FAM120A: variants seen among roughly 807,000 people sequenced by gnomAD.
FAM120A encodes the protein family with sequence similarity 120 member A, also known as constitutive coactivator of PPAR-gamma-like protein 1.
A neutral mutation model predicts 109.7 loss-of-function variants in FAM120A; 15 were observed. That is an observed-to-expected ratio of 0.14 (90% confidence interval 0.09 to 0.21). The LOEUF (loss-of-function observed/expected upper bound fraction) is 0.21, where lower values mean the gene tolerates loss of function less well. FAM120A is among the 10% of genes least tolerant of loss of function. The pLI, the probability that FAM120A is intolerant of heterozygous loss-of-function variation, is 1.00. For synonymous variants in FAM120A, 493 were observed against 572.8 expected, an observed-to-expected ratio of 0.86 and a Z score of 1.99; for missense variants, 899 against 1,439.3, an observed-to-expected ratio of 0.62 and a Z score of 6.07.
intron 5 of FAM120A, among the ~76,000 whole-genome samples, chr9:93,502,189 CTTA>C (rs1463159201): frequency 3.3e-5 from 5 of 152,034 alleles, no homozygotes; most frequent in African/African-American, 1.2e-4. Flanking sequence ...TAGAATTTAT[CTTA>C]TTAATCATTC....
At chr9:93,505,931 G>A (rs762696222) in intron 5 of FAM120A, among the ~76,000 whole-genome samples, 7 of 152,200 alleles carry the variant, frequency 4.6e-5, no homozygotes, top group Admixed American at 1.3e-4. Flanking sequence ...CTTGTTCACC[G>A]TGTGGAGAAC....
chr9:93,545,941 C>T (rs943859379), intron 11 of FAM120A, among the ~76,000 whole-genome samples: 7 of 151,512 alleles, frequency 4.6e-5, no homozygotes, highest in Admixed American at 6.6e-5. Context: ...TGCGCCACCA[C>T]GCCCGGCTAA....
intron 3 of FAM120A, among the ~76,000 whole-genome samples, chr9:93,496,628 T>C (rs1051859144): frequency 6.6e-6 from 1 of 152,148 alleles, no homozygotes; most frequent in African/African-American, 2.4e-5. Flanking sequence ...GTGATTCCCT[T>C]GGGCTTGTCT....
At chr9:93,538,085 A>G (rs776168234) in intron 10 of FAM120A, among the ~76,000 whole-genome samples, 10 of 151,254 alleles carry the variant, frequency 6.6e-5, no homozygotes, top group Non-Finnish European at 7.4e-5. Flanking sequence ...TGAGCTTTTG[A>G]GTTTCTAATA....
intron 9 of FAM120A, 139 bp downstream of exon 9, chr9:93,529,719 C>T: frequency 2.7e-6 from 2 of 741,764 alleles, no homozygotes; most frequent in African/African-American, 1.8e-5. Context: ...TTTCCCCTTT[C>T]TAAACATTGA....
chr9:93,511,885 A>G (rs57631285), intron 5 of FAM120A, among the ~76,000 whole-genome samples: 4,895 of 152,308 alleles, frequency 0.032, 112 homozygotes, highest in Admixed American at 0.071. Flanking sequence ...CTCTGCCTCC[A>G]GGGTTCAAGC....
intron 1 of FAM120A, among the ~76,000 whole-genome samples, chr9:93,463,989 A>G (rs1857904634): frequency 1.3e-5 from 2 of 152,198 alleles, no homozygotes; most frequent in Admixed American, 6.5e-5. Flanking sequence ...CAGCTACCCT[A>G]TGAGATAGAG....
intron 13 of FAM120A, 120 bp from the exon 14 acceptor site, chr9:93,557,707 A>G: frequency 1.0e-6 from 1 of 987,464 alleles, no homozygotes; most frequent in South Asian, 1.7e-5. Context: ...GCAGACATAG[A>G]ATTCATGAAT....
chr9:93,502,789 C>T (rs1859863911), intron 5 of FAM120A, among the ~76,000 whole-genome samples: 4 of 152,150 alleles, frequency 2.6e-5, no homozygotes, highest in South Asian at 2.1e-4. Flanking sequence ...TAGCTCTCCA[C>T]GAAATCACCA....
chr9:93,455,927 C>T (rs1021418324), intron 1 of FAM120A, among the ~76,000 whole-genome samples: 23 of 152,190 alleles, frequency 1.5e-4, no homozygotes. Flanking sequence ...TCCCAAAGTG[C>T]TGGGATTACG....
intron 5 of FAM120A, among the ~76,000 whole-genome samples, chr9:93,514,033 A>ATTCAT (rs1860458223): frequency 6.6e-6 from 1 of 152,142 alleles, no homozygotes. Context: ...GAGACTGGAT[A>ATTCAT]ATTTATGAAG....
At chr9:93,477,360 T>C (rs985620568) in intron 3 of FAM120A, among the ~76,000 whole-genome samples, 3 of 152,256 alleles carry the variant, frequency 2.0e-5, no homozygotes, top group Non-Finnish European at 2.9e-5. Context: ...TTTTCATCTC[T>C]GGCATGCTAT....
chr9:93,527,126 G>T (rs1388247560), intron 7 of FAM120A, 29 bp from the exon 8 acceptor site: 1 of 1,594,660 alleles, frequency 6.3e-7, no homozygotes, highest in Admixed American at 1.7e-5. Context: ...AAAGTGATTG[G>T]ACAGTAATCA....
chr9:93,504,629 A>G (rs1259726818), intron 5 of FAM120A, among the ~76,000 whole-genome samples: 1 of 152,130 alleles, frequency 6.6e-6, no homozygotes, highest in African/African-American at 2.4e-5. Context: ...TCATGTTGGC[A>G]TAGTTCATTT....
At chr9:93,454,702 G>A (rs1283304449) in intron 1 of FAM120A, among the ~76,000 whole-genome samples, 1 of 152,068 alleles carries the variant, frequency 6.6e-6, no homozygotes, top group African/African-American at 2.4e-5. Flanking sequence ...GGTCCCTGAG[G>A]GTAGTACAAT....
At chr9:93,466,691 C>T (rs1336171590) in intron 1 of FAM120A, among the ~76,000 whole-genome samples, 1 of 152,048 alleles carries the variant, frequency 6.6e-6, no homozygotes, top group East Asian at 1.9e-4. Flanking sequence ...TCTGTGTGAA[C>T]ACCAGATCTT....
Position 93,497,612 on chromosome 9 carries a change from A to AC in FAM120A, c.933+14dup, listed in dbSNP as rs397936267. 2.5e-6 allele frequency: 4 copies of AC among 1,588,332 alleles called. No individual in the cohort carries two copies. The highest frequency in any genetic ancestry group is 1.9e-5 in the Admixed American group (1 of 52,338). ...CCAGCATTCACAGGTAAAAAAAAAA[A>AC]CAAACAAAACAAAAAAACAGATTCA... is the stretch of plus-strand genomic sequence containing the variant. On this transcript the variant is annotated intron_variant, in intron 4 of 17. Coordinates refer to ENST00000277165, the MANE Select transcript of FAM120A (RefSeq NM_014612.5).
chr9:93,532,121 T>TG lies in FAM120A; in HGVS notation c.1735-33dup. On this transcript the variant is annotated intron_variant, in intron 9 of 17. Transcript: ENST00000277165. This position sits in a 1 kb window ranked among gnomAD's most constrained non-coding sequence, Gnocchi z 4.3. ...TGTATTGTAAATTCAACATGAAAAA[T>TG]GTGCAATGTTATTCTGCTTTCTTCC... 3 of 1,591,150 alleles carry TG rather than the reference T, an allele frequency of 1.9e-6. No individual in the cohort carries two copies. The highest frequency in any genetic ancestry group is 2.6e-6 in the Non-Finnish European group (3 of 1,162,526).
In FAM120A at chr9:93,532,304, T is replaced by C; in HGVS notation, c.1884T>C (p.Phe628=). The C allele has an allele frequency of 6.2e-7, 1 of 1,614,236 alleles. No individual in the cohort carries two copies. The highest frequency in any genetic ancestry group is 8.5e-7 in the Non-Finnish European group (1 of 1,180,040). ...GAAAGAAAACTGAGAGACTTGCTTT[T>C]AGAAAGAACAGACTTCCACCAGAAT... The part of the protein sequence containing the change: ...ESRKKTERLA[F]RKNRLPPEFS... Residue 628 remains phenylalanine (F), a synonymous_variant, in exon 10 of 18, where the codon TTT becomes TTC. Transcript: ENST00000277165. The surrounding 1 kb of genome is among the most constrained non-coding windows in gnomAD (Gnocchi z 4.3).
Sources: gnomAD v4.1 joint callset for allele counts (sites outside exome capture counted in the v4.1 genomes callset) on GRCh38, gnomAD v4.1.1 for gene constraint, Gnocchi (gnomAD v3.1) non-coding constraint, MANE v1.5 for transcripts, NCBI Gene and HGNC (gene_info 2026-07-23, HGNC 2026-07-21) for gene names.